The following MACROD2 variants were observed in gnomAD, a reference collection of about 807,000 sequenced individuals.
MACROD2 encodes ADP-ribose glycohydrolase MACROD2.
A neutral mutation model predicts 70.4 loss-of-function variants in MACROD2; 36 were observed. That is an observed-to-expected ratio of 0.51 (90% CI 0.39 to 0.68). The LOEUF is 0.68. MACROD2 is among the 30% of genes least tolerant of loss of function. MACROD2 has a pLI of 0.00. For synonymous variants in MACROD2, 172 were observed against 178.8 expected (o/e 0.96, Z 0.30); for missense variants, 496 against 538.4 (o/e 0.92, Z 0.78).
intron 8 of MACROD2, among the ~76,000 whole-genome samples, chr20:15,660,595 C>CCT (rs1247544486): frequency 6.6e-6 from 1 of 151,902 alleles, no homozygotes; most frequent in African/African-American, 2.4e-5. Flanking sequence ...AGCTTTTTTC[C>CCT]CTCCCCTGCA....
At chr20:14,213,129 C>G (rs1215985426) in intron 3 of MACROD2, among the ~76,000 whole-genome samples, 1 of 151,580 alleles carries the variant, frequency 6.6e-6, no homozygotes, top group African/African-American at 2.4e-5. Context: ...TTATATTTAG[C>G]ACTGTAATAT....
intron 5 of MACROD2, among the ~76,000 whole-genome samples, chr20:14,805,714 C>A (rs991725424): frequency 5.9e-5 from 9 of 152,026 alleles, no homozygotes; most frequent in Non-Finnish European, 1.3e-4. Context: ...CAAAGCCCAC[C>A]AGTTTTCACA....
At chr20:14,957,890 T>C (rs1165549739) in intron 5 of MACROD2, among the ~76,000 whole-genome samples, 1 of 151,866 alleles carries the variant, frequency 6.6e-6, no homozygotes, top group African/African-American at 2.4e-5. Context: ...TCATAAAAGT[T>C]TTATTTTTCA....
intron 3 of MACROD2, among the ~76,000 whole-genome samples, chr20:14,430,373 C>T (rs527379770): frequency 6.6e-5 from 10 of 152,086 alleles, no homozygotes; most frequent in South Asian, 4.2e-4. Flanking sequence ...ATCTAGGAGA[C>T]GGTTCTGTCG....
At chr20:14,959,995 G>C (rs1446768117) in intron 5 of MACROD2, among the ~76,000 whole-genome samples, 1 of 152,144 alleles carries the variant, frequency 6.6e-6, no homozygotes, top group Non-Finnish European at 1.5e-5. Context: ...TTTACTCATG[G>C]GGAATCTTCC....
chr20:14,115,520 GGTTAGGCTTTC>G (rs1234488769), intron 3 of MACROD2, among the ~76,000 whole-genome samples: 1 of 152,140 alleles, frequency 6.6e-6, no homozygotes, highest in Non-Finnish European at 1.5e-5. Context: ...TGTCTTTTTA[GGTTAGGCTTTC>G]TTGTTTTTCC....
chr20:15,686,675 C>T (rs1167437402), intron 8 of MACROD2, among the ~76,000 whole-genome samples: 1 of 152,032 alleles, frequency 6.6e-6, no homozygotes. Context: ...GAGTTCGAGA[C>T]CAGCCTGGCC....
intron 8 of MACROD2, among the ~76,000 whole-genome samples, chr20:15,596,493 A>G (rs2048747759): frequency 6.6e-6 from 1 of 152,218 alleles, no homozygotes; most frequent in Non-Finnish European, 1.5e-5. Flanking sequence ...ATTGATTAAA[A>G]TGTGCTGGAT....
intron 15 of MACROD2, among the ~76,000 whole-genome samples, chr20:16,039,829 A>T (rs1377266210): frequency 6.6e-6 from 1 of 151,960 alleles, no homozygotes; most frequent in African/African-American, 2.4e-5. Flanking sequence ...AGTGAAAAGC[A>T]CTGTGGACAC....
chr20:14,110,568 G>A (rs1199435173), intron 3 of MACROD2, among the ~76,000 whole-genome samples: 1 of 151,836 alleles, frequency 6.6e-6, no homozygotes, highest in African/African-American at 2.4e-5. Context: ...AAAATCAGTA[G>A]CATTTTTATA....
intron 5 of MACROD2, among the ~76,000 whole-genome samples, chr20:15,174,307 A>T (rs2076443760): frequency 6.6e-6 from 1 of 152,232 alleles, no homozygotes; most frequent in Non-Finnish European, 1.5e-5. Flanking sequence ...GAAGAATTTT[A>T]AATTGATTAA....
intron 8 of MACROD2, among the ~76,000 whole-genome samples, chr20:15,557,915 A>G (rs1349861075): frequency 6.6e-6 from 1 of 152,178 alleles, no homozygotes; most frequent in Non-Finnish European, 1.5e-5. Flanking sequence ...TCCCCCTCAT[A>G]AAGACGACCA....
chr20:15,226,796 T>A (rs1276944420), intron 5 of MACROD2, among the ~76,000 whole-genome samples: 1 of 152,046 alleles, frequency 6.6e-6, no homozygotes, highest in African/African-American at 2.4e-5. Flanking sequence ...ACAGAGATAA[T>A]CTAAGCAGGA....
intron 2 of MACROD2, among the ~76,000 whole-genome samples, chr20:14,037,697 A>C (rs921158830): frequency 6.6e-6 from 1 of 152,060 alleles, no homozygotes; most frequent in Non-Finnish European, 1.5e-5. Flanking sequence ...GTTGGTGATA[A>C]AGGGAAACAT....
intron 9 of MACROD2, among the ~76,000 whole-genome samples, chr20:15,875,740 A>T (rs2064658837): frequency 6.6e-6 from 1 of 151,994 alleles, no homozygotes. Flanking sequence ...AGCCTTGGCT[A>T]AGCAGAGTTT....
chr20:15,654,545 A>T (rs1322668766), intron 8 of MACROD2, among the ~76,000 whole-genome samples: 1 of 152,158 alleles, frequency 6.6e-6, no homozygotes, highest in South Asian at 2.1e-4. Flanking sequence ...GCACCCCTCC[A>T]CTTGAAGTGA....
chr20:14,573,762 A>G (rs1364189093), intron 4 of MACROD2, among the ~76,000 whole-genome samples: 1 of 152,152 alleles, frequency 6.6e-6, no homozygotes, highest in Non-Finnish European at 1.5e-5. Flanking sequence ...TACTTACTGA[A>G]AAATTAGATC....
chr20:14,156,687 C>A (rs534972945), intron 3 of MACROD2, among the ~76,000 whole-genome samples: 1 of 152,118 alleles, frequency 6.6e-6, no homozygotes, highest in South Asian at 2.1e-4. Context: ...ATGTAATTTT[C>A]ATCCAAACTG....
chr20:14,364,017 A>T (rs1231531463), intron 3 of MACROD2, among the ~76,000 whole-genome samples: 1 of 151,942 alleles, frequency 6.6e-6, no homozygotes, highest in African/African-American at 2.4e-5. Flanking sequence ...CATAAATCCG[A>T]ACTCTAGGGG....
Sources: gnomAD v4.1 joint callset for allele counts (sites outside exome capture counted in the v4.1 genomes callset) on GRCh38, gnomAD v4.1.1 for gene constraint, MANE v1.5 for transcripts, NCBI Gene and HGNC (gene_info 2026-07-23, HGNC 2026-07-21) for gene names.